Variants in HACE1 observed in about 807,000 individuals in gnomAD.
HACE1 encodes the protein E3 ubiquitin-protein ligase HACE1.
In HACE1, 73 loss-of-function variants were observed where a neutral mutation model predicts 118.4. The ratio of observed to expected loss-of-function variants is 0.62; its 90% confidence interval spans 0.51 to 0.75. The LOEUF is 0.75. HACE1 is among the 30% of genes least tolerant of loss of function. The pLI, the probability that HACE1 is intolerant of heterozygous loss-of-function variation, is 0.00. For synonymous variants in HACE1, 368 were observed against 374.8 expected, an observed-to-expected ratio of 0.98 and a Z score of 0.21; for missense variants, 749 against 1,102.2, an observed-to-expected ratio of 0.68 and a Z score of 4.54.
chr6:104,799,453 C>T (rs772327153), intron 7 of HACE1, among the ~76,000 whole-genome samples: 12 of 152,216 alleles, frequency 7.9e-5, no homozygotes, highest in East Asian at 1.9e-4. Context: ...AGCTCTCTCA[C>T]CCGCTTCTGA....
intron 7 of HACE1, among the ~76,000 whole-genome samples, chr6:104,797,899 T>C (rs1242978700): frequency 6.6e-6 from 1 of 151,716 alleles, no homozygotes; most frequent in African/African-American, 2.4e-5. Context: ...TGAAACCCTG[T>C]CTCTATTAAA....
chr6:104,809,254 A>G (rs902861743), intron 7 of HACE1, among the ~76,000 whole-genome samples: 5 of 152,216 alleles, frequency 3.3e-5, no homozygotes, highest in African/African-American at 9.7e-5. Context: ...ACTATAAGAA[A>G]GTAAATAAAC....
intron 19 of HACE1, among the ~76,000 whole-genome samples, chr6:104,761,089 G>A (rs1222598899): frequency 2.0e-5 from 3 of 152,148 alleles, no homozygotes; most frequent in Non-Finnish European, 4.4e-5. Context: ...CTTATGGATA[G>A]GAAGAAGCAA....
intron 1 of HACE1, among the ~76,000 whole-genome samples, chr6:104,853,308 C>A (rs1776421803): frequency 6.6e-6 from 1 of 152,130 alleles, no homozygotes. Flanking sequence ...ATTGTTGTAT[C>A]AGCAGAAAAC....
At chr6:104,859,190 C>T (rs1777050340) in intron 1 of HACE1, among the ~76,000 whole-genome samples, 1 of 152,146 alleles carries the variant, frequency 6.6e-6, no homozygotes, top group African/African-American at 2.4e-5. Flanking sequence ...ATCTTTGGAT[C>T]ATCTCTATCC....
intron 2 of HACE1, 141 bp downstream of exon 2, chr6:104,852,176 C>G (rs1442405423): frequency 6.1e-6 from 4 of 651,016 alleles, no homozygotes; most frequent in Non-Finnish European, 1.1e-5. Flanking sequence ...TAACTTGCCC[C>G]AGAACATCTA....
At chr6:104,855,826 A>G (rs1776665296) in intron 1 of HACE1, among the ~76,000 whole-genome samples, 1 of 152,218 alleles carries the variant, frequency 6.6e-6, no homozygotes, top group African/African-American at 2.4e-5. Context: ...ACTTAAATCA[A>G]GATAAACTTT....
chr6:104,777,905 A>G (rs1781376575), intron 14 of HACE1, among the ~76,000 whole-genome samples: 1 of 152,000 alleles, frequency 6.6e-6, no homozygotes, highest in African/African-American at 2.4e-5. Context: ...GATTGCAGGC[A>G]CGCACCACCA....
intron 7 of HACE1, among the ~76,000 whole-genome samples, chr6:104,800,903 T>G: frequency 6.6e-6 from 1 of 152,050 alleles, no homozygotes; most frequent in East Asian, 1.9e-4. Context: ...AGAAGGCTGG[T>G]AATAACAACT....
At chr6:104,732,865 G>T (rs1178491208) in intron 22 of HACE1, among the ~76,000 whole-genome samples, 1 of 152,116 alleles carries the variant, frequency 6.6e-6, no homozygotes, top group East Asian at 1.9e-4. Context: ...GTCTGGTTTG[G>T]TTTACTGATG....
At chr6:104,735,587 C>T (rs1259600508) in intron 22 of HACE1, among the ~76,000 whole-genome samples, 5 of 151,682 alleles carry the variant, frequency 3.3e-5, no homozygotes, top group Non-Finnish European at 7.4e-5. Context: ...GCCGAGATGG[C>T]GCCAGTGCAC....
chr6:104,812,199 C>T (rs888162792), intron 6 of HACE1, among the ~76,000 whole-genome samples: 1 of 151,676 alleles, frequency 6.6e-6, no homozygotes, highest in East Asian at 1.9e-4. Context: ...AATGTAAAAA[C>T]ATAAAACATG....
chr6:104,854,124 T>C (rs1292222845), intron 1 of HACE1, among the ~76,000 whole-genome samples: 2 of 152,018 alleles, frequency 1.3e-5, no homozygotes, highest in African/African-American at 2.4e-5. Flanking sequence ...TTCAATCTAA[T>C]CATGAGAAAA....
chr6:104,794,913 T>A (rs1044380736), intron 10 of HACE1, among the ~76,000 whole-genome samples: 17 of 151,360 alleles, frequency 1.1e-4, no homozygotes, highest in East Asian at 7.9e-4. Context: ...AAAAAAAAAA[T>A]AATTGTATAT....
intron 10 of HACE1, 111 bp from the exon 11 acceptor site, chr6:104,791,765 C>A: frequency 1.4e-6 from 1 of 705,684 alleles, no homozygotes; most frequent in East Asian, 2.7e-5. Flanking sequence ...TATAATGTAA[C>A]TGGAGTACAA....
At chr6:104,792,368 CCA>C (rs1291021614) in intron 10 of HACE1, among the ~76,000 whole-genome samples, 1 of 152,098 alleles carries the variant, frequency 6.6e-6, no homozygotes, top group Non-Finnish European at 1.5e-5. Flanking sequence ...CTTCAGAATC[CCA>C]CAGTTACCTT....
intron 7 of HACE1, among the ~76,000 whole-genome samples, chr6:104,807,704 GA>G (rs201878783): frequency 0.014 from 2,088 of 150,926 alleles, 18 homozygotes; most frequent in African/African-American, 0.018. Flanking sequence ...ATGGCAGGGG[GA>G]AAAAAAAATC....
intron 5 of HACE1, among the ~76,000 whole-genome samples, chr6:104,834,481 A>C (rs1231605164): frequency 2.6e-5 from 4 of 152,224 alleles, no homozygotes; most frequent in African/African-American, 9.7e-5. Context: ...GCTATCCATT[A>C]ATTTTTCACA....
chr6:104,778,354 GTGAC>G (rs891064098), intron 14 of HACE1, among the ~76,000 whole-genome samples: 2 of 151,946 alleles, frequency 1.3e-5, no homozygotes, highest in African/African-American at 4.8e-5. Context: ...TTAAAGAGAT[GTGAC>G]TAACACAGAG....
Sources: allele counts gnomAD v4.1 joint callset (sites outside exome capture counted in the v4.1 genomes callset), GRCh38; gene constraint gnomAD v4.1.1; transcripts MANE v1.5; gene names NCBI Gene and HGNC (gene_info 2026-07-23, HGNC 2026-07-21).